Variants in ALG9 observed in about 807,000 individuals in gnomAD.
The protein encoded by ALG9 is ALG9 alpha-1,2-mannosyltransferase.
In ALG9, 55 loss-of-function variants were observed where a neutral mutation model predicts 81.8. The ratio of observed to expected loss-of-function variants is 0.67; its 90% CI spans 0.54 to 0.84. The LOEUF is 0.84. ALG9 is among the 40% of genes least tolerant of loss of function. ALG9 has a pLI of 0.00. For missense variants in ALG9, 629 were observed against 745.0 expected, an observed-to-expected ratio of 0.84 and a Z score of 1.81; for synonymous variants, 278 against 274.3, an observed-to-expected ratio of 1.01 and a Z score of -0.13.
intron 8 of ALG9, among the ~76,000 whole-genome samples, chr11:111,852,537 C>A (rs970420807): frequency 2.6e-5 from 4 of 152,154 alleles, no homozygotes; most frequent in African/African-American, 9.7e-5. Flanking sequence ...CAGCCCCAAT[C>A]GCTGTAACTT....
chr11:111,869,881 G>T (rs782508372), intron 2 of ALG9, among the ~76,000 whole-genome samples: 3 of 151,690 alleles, frequency 2.0e-5, no homozygotes, highest in African/African-American at 7.3e-5. Flanking sequence ...GTGTGATCTC[G>T]GCTCACTGTA....
chr11:111,794,133 T>C (rs1205733032), intron 14 of ALG9, among the ~76,000 whole-genome samples: 2 of 152,242 alleles, frequency 1.3e-5, no homozygotes, highest in African/African-American at 2.4e-5. Flanking sequence ...CTATCAGGGC[T>C]GAGGAGCATT....
At position 111,860,852 on chromosome 11, in the gene ALG9, T is replaced by C. The variant is rs576853684; in HGVS notation, c.477-217A>G. On this transcript the variant is annotated intron_variant, in intron 4 of 14. Transcript: ENST00000616540. Reference sequence around the variant, plus strand: ...TCCCTACCTAAAAGAAAATGTATTCTTTACATGCTAAGATTATATCTATCA... The same window carrying C: ...TCCCTACCTAAAAGAAAATGTATTCCTTACATGCTAAGATTATATCTATCA... Among the ~76,000 whole-genome samples the C allele has an allele frequency of 7.2e-5, 11 of 152,318 alleles. No homozygotes were observed. In the South Asian group the frequency reaches 2.1e-3, roughly 29 times the overall value.
intron 8 of ALG9, among the ~76,000 whole-genome samples, chr11:111,851,477 CAAAA>C (rs11343980): frequency 1.9e-5 from 2 of 105,078 alleles, no homozygotes; most frequent in Admixed American, 9.6e-5. Flanking sequence ...AACTCCATCT[CAAAA>C]AAAAAAAAAA....
downstream of ALG9, among the ~76,000 whole-genome samples, chr11:111,779,777 A>G (rs531317176): frequency 1.1e-4 from 17 of 152,162 alleles, no homozygotes; most frequent in South Asian, 4.1e-4. Flanking sequence ...AAAAAAAGGG[A>G]AAAAAAAGCT....
chr11:111,838,419 T>C lies in ALG9; in HGVS notation c.1174-20A>G. On this transcript the variant is annotated intron_variant, in intron 10 of 14. Transcript: ENST00000616540. ...ACTGTGCTGATAAAAGAAAATATAA[T>C]TTGTAGAATATACATAATTACAAGA... 1 of 1,591,360 alleles carries C rather than the reference T, an allele frequency of 6.3e-7. No individual in the cohort carries two copies. Among genetic ancestry groups the C allele is most frequent in the African/African-American group, 1.3e-5 (1 of 74,150 alleles).
At chr11:111,869,114 T>C (rs934976980) in intron 2 of ALG9, among the ~76,000 whole-genome samples, 1 of 152,156 alleles carries the variant, frequency 6.6e-6, no homozygotes, top group Non-Finnish European at 1.5e-5. Flanking sequence ...CTGCAATTGA[T>C]GGATAAAAAA....
intron 14 of ALG9, among the ~76,000 whole-genome samples, chr11:111,790,309 G>A (rs1272245099): frequency 6.6e-6 from 1 of 152,030 alleles, no homozygotes; most frequent in African/African-American, 2.4e-5. Context: ...CCTGGGTGAT[G>A]AGGCAAGACT....
At chr11:111,827,327 T>C (rs1953497905) in intron 13 of ALG9, among the ~76,000 whole-genome samples, 2 of 151,636 alleles carry the variant, frequency 1.3e-5, no homozygotes, top group Admixed American at 1.3e-4. Context: ...AAATACAAAA[T>C]TAGCCAGGCG....
Position 111,840,712 on chromosome 11 carries a change from A to G in ALG9, c.1116T>C (p.Leu372=). The stretch of plus-strand genomic sequence containing the variant: ...GACATATAAGTGGATACACAGGGAA[A>G]AGAAATCTCTCCTCTTTGTGAGGCT... ...FIQPHKEERF[L]FPVYPLICLC... Residue 372 remains leucine, a synonymous_variant, in exon 10 of 15, where the codon CTT becomes CTC. Transcript: ENST00000616540. 6.2e-7 allele frequency: 1 copy of G among 1,614,146 alleles called. No homozygotes were observed. The highest frequency in any genetic ancestry group is 8.5e-7 in the Non-Finnish European group (1 of 1,180,004).
At chr11:111,842,481 G>A (rs1956370184) in intron 9 of ALG9, among the ~76,000 whole-genome samples, 1 of 152,008 alleles carries the variant, frequency 6.6e-6, no homozygotes, top group Admixed American at 6.5e-5. Context: ...GAGCATAGTG[G>A]CACAACCATG....
At chr11:111,800,510 A>C (rs1948948660) in intron 14 of ALG9, among the ~76,000 whole-genome samples, 1 of 151,824 alleles carries the variant, frequency 6.6e-6, no homozygotes, top group Non-Finnish European at 1.5e-5. Context: ...AAAATAAAAA[A>C]GAATCTAACT....
Position 111,836,304 on chromosome 11 carries a change from A to T in ALG9, c.1473-10T>A. 6.2e-7 allele frequency: 1 copy of T among 1,614,018 alleles called. No individual in the cohort carries two copies. The highest frequency in any genetic ancestry group is 8.5e-7 in the Non-Finnish European group (1 of 1,179,932). ...GAACTGAAGCTGCCAACTGTCAGAA[A>T]CACAAGGAGAATAAGAAAAACACAG... On this transcript the variant is annotated splice_polypyrimidine_tract_variant and intron_variant, in intron 12 of 14. Transcript: ENST00000616540.
chr11:111,821,053 A>G lies in ALG9; in HGVS notation c.1603-11280T>C, dbSNP rs539192182. ...TGAAACTGCAGTGAGCTATGATTGC[A>G]CAATTGCACTCCAGCCTGGGCAAGA... On this transcript the variant is annotated intron_variant, in intron 13 of 14. Coordinates refer to ENST00000616540, the MANE Select transcript of ALG9 (RefSeq NM_024740.2). 2.0e-5 allele frequency among the ~76,000 whole-genome samples: 3 copies of G among 152,282 alleles called. No individual in the cohort carries two copies. In the East Asian group the frequency reaches 5.8e-4, roughly 29 times the overall value.
intron 14 of ALG9, among the ~76,000 whole-genome samples, chr11:111,807,051 C>A (rs1950031898): frequency 6.6e-6 from 1 of 152,182 alleles, no homozygotes; most frequent in Admixed American, 6.5e-5. Context: ...GAACCCTCAT[C>A]TCTTGCCTGG....
intron 12 of ALG9, chr11:111,836,585 C>G: frequency 2.6e-6 from 1 of 388,522 alleles, no homozygotes; most frequent in Non-Finnish European, 4.9e-6. Flanking sequence ...TGCTTATTGT[C>G]AATTACTATG....
intron 11 of ALG9, 120 bp downstream of exon 11, chr11:111,838,129 T>C: frequency 8.7e-7 from 1 of 1,153,194 alleles, no homozygotes. Context: ...GTCTACAGGT[T>C]CTCTTTTTAG....
chr11:111,839,410 C>T (rs1955850417), intron 10 of ALG9, among the ~76,000 whole-genome samples: 8 of 151,924 alleles, frequency 5.3e-5, no homozygotes, highest in Admixed American at 5.2e-4. Flanking sequence ...ACAGTGAAAA[C>T]CCCGTCTCTA....
At chr11:111,819,457 T>C (rs1222378079) in intron 13 of ALG9, among the ~76,000 whole-genome samples, 4 of 152,264 alleles carry the variant, frequency 2.6e-5, no homozygotes, top group Admixed American at 6.5e-5. Context: ...ACAACTGTCA[T>C]CATGAATCCT....
Sources: allele counts gnomAD v4.1 joint callset (sites outside exome capture counted in the v4.1 genomes callset), GRCh38; gene constraint gnomAD v4.1.1; transcripts MANE v1.5; gene names NCBI Gene and HGNC (gene_info 2026-07-23, HGNC 2026-07-21).